TRIM71: variants seen among roughly 807,000 people sequenced by gnomAD.
The protein encoded by TRIM71 is tripartite motif containing 71.
In TRIM71, 9 loss-of-function variants were observed where a neutral mutation model predicts 61.2. That is an observed-to-expected ratio of 0.15 (90% CI 0.09 to 0.26). TRIM71 has a LOEUF of 0.26. Ranked by LOEUF, TRIM71 falls within the 10% of genes least tolerant of loss-of-function variation. The pLI, the probability that TRIM71 is intolerant of heterozygous loss-of-function variation, is 1.00. For missense variants in TRIM71, 998 were observed against 1,238.7 expected (o/e 0.81, Z 2.92); for synonymous variants, 645 against 553.2 (o/e 1.17, Z -2.33).
Position 32,873,868 on chromosome 3 carries a change from C to T in TRIM71, c.903C>T (p.Cys301=), listed in dbSNP as rs542502985. The change falls in exon 2 of 4, where the codon TGC becomes TGT. Residue 301 remains cysteine, a synonymous_variant. Transcript: ENST00000383763. ...GCTCTGTACCCATCTGTCGTGAGTG[C>T]ACAATGGGCCGGCATGGGGGCCACA... The part of the protein sequence containing the change: ...DTCSVPICRE[C]TMGRHGGHSF... The T allele has an allele frequency of 4.8e-5, 78 of 1,613,616 alleles. No individual in the cohort carries two copies. In the East Asian group the frequency reaches 1.6e-3, roughly 33 times the overall value.
chr3:32,868,550 G>C (rs1187198952), intron 1 of TRIM71, among the ~76,000 whole-genome samples: 1 of 151,962 alleles, frequency 6.6e-6, no homozygotes, highest in Non-Finnish European at 1.5e-5. Flanking sequence ...ATCTCTGCAC[G>C]GAGTGACCCA....
rs1697040558 is a variant in TRIM71 at position 32,892,731 on chromosome 3, G to T, written c.*920G>T. The T allele has an allele frequency of 6.6e-6, 1 of 152,158 alleles. No individual in the cohort carries two copies. The highest frequency in any genetic ancestry group is 2.1e-4 in the South Asian group (1 of 4,832). 9.4% of individuals were successfully genotyped at this position (152,158 alleles called of 1,614,324 possible). The stretch of plus-strand genomic sequence containing the variant: ...TTTTTGATTAAACATATTCTCAAAA[G>T]TTATGCTTTCTTATTTTGCTGTTAG... On this transcript the variant is annotated 3_prime_UTR_variant, in exon 4 of 4. Transcript: ENST00000383763.
chr3:32,835,610 ATGCC>A (rs1696325704), intron 1 of TRIM71, among the ~76,000 whole-genome samples: 1 of 152,204 alleles, frequency 6.6e-6, no homozygotes, highest in African/African-American at 2.4e-5. Flanking sequence ...GAGTATGTTT[ATGCC>A]TGTGAGTATA....
In TRIM71 at chr3:32,818,054, T is replaced by A; in HGVS notation, c.-27T>A. ...CTCCTCCTCCTCTTCCTCTCTGGTCTCCTCCCTCCTCCGGGCTGGGTTGCA... is the reference window on the plus strand; with the variant it reads ...CTCCTCCTCCTCTTCCTCTCTGGTCACCTCCCTCCTCCGGGCTGGGTTGCA... On this transcript the variant is annotated 5_prime_UTR_variant, in exon 1 of 4. Transcript: ENST00000383763. 6.2e-7 allele frequency: 1 copy of A among 1,605,836 alleles called. No individual in the cohort carries two copies. Among genetic ancestry groups the A allele is most frequent in the Non-Finnish European group, 8.5e-7 (1 of 1,174,622 alleles).
At chr3:32,833,273 G>A (rs1696296079) in intron 1 of TRIM71, among the ~76,000 whole-genome samples, 1 of 145,688 alleles carries the variant, frequency 6.9e-6, no homozygotes, top group East Asian at 2.2e-4. Flanking sequence ...AAGTAAAGAT[G>A]AAATAGGAGT....
At chr3:32,856,740 G>A (rs939869573) in intron 1 of TRIM71, among the ~76,000 whole-genome samples, 6 of 152,174 alleles carry the variant, frequency 3.9e-5, no homozygotes, top group Non-Finnish European at 8.8e-5. Context: ...TGGAGAACCC[G>A]GGGCAGGAGT....
At chr3:32,838,387 G>A (rs1427829637) in intron 1 of TRIM71, among the ~76,000 whole-genome samples, 1 of 151,936 alleles carries the variant, frequency 6.6e-6, no homozygotes, top group East Asian at 1.9e-4. Context: ...ACCATGCCCA[G>A]CTAATTTTAT....
intron 1 of TRIM71, among the ~76,000 whole-genome samples, chr3:32,831,684 G>A (rs955843382): frequency 4.6e-5 from 7 of 151,742 alleles, no homozygotes; most frequent in Non-Finnish European, 8.8e-5. Flanking sequence ...CTACAGGCGC[G>A]TGCCACCATG....
chr3:32,846,046 G>A (rs1278908741), intron 1 of TRIM71, among the ~76,000 whole-genome samples: 2 of 146,856 alleles, frequency 1.4e-5, no homozygotes, highest in African/African-American at 5.0e-5. Context: ...TTATGTTTTT[G>A]GATGGGAAAC....
intron 1 of TRIM71, among the ~76,000 whole-genome samples, chr3:32,846,629 C>T (rs1364237003): frequency 2.0e-5 from 3 of 152,092 alleles, no homozygotes; most frequent in Admixed American, 6.5e-5. Context: ...TAACCGACAT[C>T]TCCCCTTGCC....
At chr3:32,820,161 T>C (rs915614725) in intron 1 of TRIM71, among the ~76,000 whole-genome samples, 1 of 152,200 alleles carries the variant, frequency 6.6e-6, no homozygotes, top group Non-Finnish European at 1.5e-5. Flanking sequence ...CTGCAGAGGC[T>C]TTAAAAGCCA....
Position 32,891,710 on chromosome 3 carries a change from A to C in TRIM71, c.2506A>C (p.Ser836Arg). 1 of 1,614,174 alleles carries C rather than the reference A, an allele frequency of 6.2e-7. No individual in the cohort carries two copies. The highest frequency in any genetic ancestry group is 8.5e-7 in the Non-Finnish European group (1 of 1,180,018). ...SFLCKFGAQG[S>R]GFGQMDRPSG... ...CCTGTGCAAGTTTGGTGCTCAAGGC[A>C]GCGGCTTTGGGCAGATGGACCGCCC... The change falls in exon 4 of 4, where the codon AGC (serine) becomes CGC (arginine). Residue 836 changes from serine to arginine, a missense_variant. By Grantham distance (110) the Ser-to-Arg change is moderately radical. Coordinates refer to ENST00000383763, the MANE Select transcript of TRIM71 (RefSeq NM_001039111.3). This position sits in a 1 kb window ranked among gnomAD's most constrained non-coding sequence, Gnocchi z 8.2.
Position 32,827,268 on chromosome 3 carries a change from C to CTTTTTTTTTTT in TRIM71, c.852+8340_852+8350dup, listed in dbSNP as rs369755706. On this transcript the variant is annotated intron_variant, in intron 1 of 3. Coordinates refer to ENST00000383763, the MANE Select transcript of TRIM71 (RefSeq NM_001039111.3). ...TGTCATGAAGGGTAGGGGGATAATT[C>CTTTTTTTTTTT]TTTTTTTTTTTTTTGGGTGGAGTCT... Among the ~76,000 whole-genome samples the CTTTTTTTTTTT allele has an allele frequency of 3.2e-3, 413 of 129,580 alleles. 9 individuals carry two copies. Among genetic ancestry groups the CTTTTTTTTTTT allele is most frequent in the African/African-American group, 9.5e-3 (337 of 35,486 alleles). 85.0% of individuals were successfully genotyped at this position (129,580 alleles called of 152,430 possible).
intron 1 of TRIM71, among the ~76,000 whole-genome samples, chr3:32,871,176 T>C (rs1338250282): frequency 6.6e-6 from 1 of 152,116 alleles, no homozygotes; most frequent in African/African-American, 2.4e-5. Context: ...CCCCTTTTGT[T>C]TCACAGATGA....
chr3:32,866,079 G>C (rs927456630), intron 1 of TRIM71, among the ~76,000 whole-genome samples: 1 of 151,826 alleles, frequency 6.6e-6, no homozygotes, highest in Non-Finnish European at 1.5e-5. Flanking sequence ...GCCTGCCTCA[G>C]CCTCCCAAAG....
At chr3:32,885,214 C>T (rs1336145770) in intron 2 of TRIM71, among the ~76,000 whole-genome samples, 1 of 152,184 alleles carries the variant, frequency 6.6e-6, no homozygotes, top group African/African-American at 2.4e-5. Context: ...TTTGGAATCC[C>T]TGATTTAATA....
At chr3:32,889,114 C>A (rs1283244695) in intron 3 of TRIM71, among the ~76,000 whole-genome samples, 2 of 152,184 alleles carry the variant, frequency 1.3e-5, no homozygotes, top group Admixed American at 6.5e-5. Flanking sequence ...TCTTCGTTTG[C>A]TTTTGAATAC....
intron 1 of TRIM71, among the ~76,000 whole-genome samples, chr3:32,822,315 A>C (rs1319130718): frequency 2.6e-5 from 4 of 152,032 alleles, no homozygotes; most frequent in Admixed American, 2.0e-4. Context: ...GTCTGGTTGG[A>C]AAAAGGGGTG....
chr3:32,868,912 G>T (rs979814090), intron 1 of TRIM71, among the ~76,000 whole-genome samples: 2 of 152,114 alleles, frequency 1.3e-5, no homozygotes, highest in African/African-American at 4.8e-5. Flanking sequence ...CATAGTTGTG[G>T]GGCAGCACGT....
Sources: allele counts gnomAD v4.1 joint callset (sites outside exome capture counted in the v4.1 genomes callset), GRCh38; gene constraint gnomAD v4.1.1; non-coding constraint Gnocchi (gnomAD v3.1); transcripts MANE v1.5; gene names NCBI Gene and HGNC (gene_info 2026-07-23, HGNC 2026-07-21).